Variants in GALNT16 observed in about 807,000 individuals in gnomAD.
The protein encoded by GALNT16 is UDP-GalNAc:polypeptide N-acetylgalactosaminyltransferase-like protein 1.
In GALNT16, 40 loss-of-function variants were observed where a neutral mutation model predicts 76.1. That is an observed-to-expected ratio of 0.53 (90% confidence interval 0.41 to 0.68). The LOEUF (loss-of-function observed/expected upper bound fraction) is 0.68. GALNT16 is among the 30% of genes least tolerant of loss of function. GALNT16 has a pLI of 0.00. For missense variants in GALNT16, 621 were observed against 731.9 expected (o/e 0.85, Z 1.75); for synonymous variants, 276 against 285.2 (o/e 0.97, Z 0.32).
chr14:69,331,501 T>C lies in GALNT16; in HGVS notation c.728T>C (p.Ile243Thr). The change falls in exon 7 of 15, where the codon ATC (isoleucine) becomes ACC (threonine). Residue 243 changes from isoleucine (I) to threonine (T), a missense_variant. Transcript: ENST00000448469. ...GTGGTGAGTCCCATCATTGATGTCATCAGTCTGGATAATTTTGCCTACCTT... is the reference window on the plus strand; with the variant it reads ...GTGGTGAGTCCCATCATTGATGTCACCAGTCTGGATAATTTTGCCTACCTT... ...TRVVSPIIDV[I>T]SLDNFAYLAA... 3 of 1,611,042 alleles carry C rather than the reference T, an allele frequency of 1.9e-6. No homozygotes were observed. The highest frequency in any genetic ancestry group is 2.5e-6 in the Non-Finnish European group (3 of 1,177,210).
intron 2 of GALNT16, among the ~76,000 whole-genome samples, chr14:69,322,925 GGTGTGTGTGTGTGTGTGTGTGT>G (rs766188989): frequency 3.2e-4 from 33 of 103,856 alleles, no homozygotes; most frequent in Middle Eastern, 4.5e-3. Flanking sequence ...TGGCTCACGG[GGTGTGTGTGTGTGTGTGTGTGT>G]GTGTGTGTGT....
chr14:69,282,463 C>T (rs2044556865), intron 1 of GALNT16, among the ~76,000 whole-genome samples: 1 of 152,144 alleles, frequency 6.6e-6, no homozygotes, highest in Non-Finnish European at 1.5e-5. Flanking sequence ...CTCTCTCCAG[C>T]CCTCTCCAGC....
the GALNT16 span, among the ~76,000 whole-genome samples, chr14:69,381,943 G>A: frequency 5.9e-5 from 9 of 152,290 alleles, no homozygotes; most frequent in Middle Eastern, 3.4e-3. Context: ...CAGCCGCCTC[G>A]GCCGCCCAAA....
chr14:69,269,433 T>A (rs1428824484), intron 1 of GALNT16, among the ~76,000 whole-genome samples: 1 of 151,126 alleles, frequency 6.6e-6, no homozygotes, highest in East Asian at 1.9e-4. Context: ...ATGTGTGGTA[T>A]GTCTGGTGTG....
rs566278796 is a variant in GALNT16 at position 69,279,311 on chromosome 14, A to G, written c.177+18844A>G. Among the ~76,000 whole-genome samples the G allele has an allele frequency of 7.0e-4, 107 of 152,328 alleles. 2 individuals carry two copies. The South Asian group carries it at 0.022, about 31-fold the overall frequency. ...ATTTTTAAAAATACTTCATTAAAAT[A>G]TTACTTACCTTGATTACTGAGTTTT... On this transcript the variant is annotated intron_variant, in intron 1 of 14. Coordinates refer to ENST00000448469, the MANE Select transcript of GALNT16 (RefSeq NM_001168368.2).
intron 1 of GALNT16, among the ~76,000 whole-genome samples, chr14:69,274,222 T>C (rs891318161): frequency 1.3e-5 from 2 of 152,150 alleles, no homozygotes; most frequent in African/African-American, 4.8e-5. Flanking sequence ...GCCTAACTCG[T>C]AGTAAATGCT....
At chr14:69,284,803 G>A (rs866320209) in intron 1 of GALNT16, among the ~76,000 whole-genome samples, 16 of 152,038 alleles carry the variant, frequency 1.1e-4, no homozygotes, top group African/African-American at 3.9e-4. Flanking sequence ...ATTAAATTAT[G>A]GTGGTGGTTT....
At chr14:69,362,426 G>C in the GALNT16 span, among the ~76,000 whole-genome samples, 1 of 152,238 alleles carries the variant, frequency 6.6e-6, no homozygotes, top group Non-Finnish European at 1.5e-5. Flanking sequence ...ATCTCTGCAT[G>C]CTCATTAAGC....
chr14:69,368,576 A>G, the GALNT16 span, among the ~76,000 whole-genome samples: 1 of 152,198 alleles, frequency 6.6e-6, no homozygotes, highest in South Asian at 2.1e-4. Context: ...ACTGGTAGTG[A>G]GATCTCATTA....
chr14:69,351,845 G>C (rs994735269), intron 14 of GALNT16, 186 bp from the exon 15 acceptor site: 3 of 545,682 alleles, frequency 5.5e-6, no homozygotes, highest in Non-Finnish European at 9.6e-6. Flanking sequence ...TCAGGAGTTC[G>C]AGGCTGCAGT....
the GALNT16 span, among the ~76,000 whole-genome samples, chr14:69,367,653 A>G: frequency 2.0e-5 from 3 of 151,738 alleles, no homozygotes; most frequent in South Asian, 6.2e-4. Context: ...GCAAAAAAAA[A>G]AAAAAAGAAA....
chr14:69,323,613 C>T (rs1323269109), intron 2 of GALNT16, among the ~76,000 whole-genome samples: 1 of 152,172 alleles, frequency 6.6e-6, no homozygotes, highest in Non-Finnish European at 1.5e-5. Context: ...ATTCATAGGC[C>T]CTTGAACAGC....
intron 2 of GALNT16, 25 bp from the exon 3 acceptor site, chr14:69,324,667 T>C: frequency 1.4e-6 from 2 of 1,436,182 alleles, no homozygotes; most frequent in Non-Finnish European, 1.9e-6. Context: ...CATGGCTGGC[T>C]CTGACCTCTG....
chr14:69,265,635 T>A (rs942063667), intron 1 of GALNT16, among the ~76,000 whole-genome samples: 2 of 152,214 alleles, frequency 1.3e-5, no homozygotes, highest in African/African-American at 4.8e-5. Flanking sequence ...GAGGAGACCT[T>A]AAGCACCTTC....
At chr14:69,380,397 C>G in the GALNT16 span, 1 of 475,262 alleles carries the variant, frequency 2.1e-6, no homozygotes. Flanking sequence ...AAGATCCTCA[C>G]ATTTCATCTA....
In GALNT16 at chr14:69,346,899, C is replaced by G. The variant is rs769601515; in HGVS notation, c.1272-141C>G. ...AGGCCACTCCTGCTCCTCACCTCCC[C>G]CTGCTGGCCAGGCTGCTCCCGGGCC... On this transcript the variant is annotated intron_variant, in intron 12 of 14. Transcript: ENST00000448469. The G allele has an allele frequency of 5.3e-5, 49 of 925,448 alleles. No individual in the cohort carries two copies. In the East Asian group the frequency reaches 7.5e-4, roughly 14 times the overall value. The allele number at this position is 925,448 out of a possible 1,614,324, so 57.3% of individuals were successfully genotyped here.
At chr14:69,380,328 TAA>T in the GALNT16 span, 4,483 of 345,258 alleles carry the variant, frequency 0.013, no homozygotes, top group East Asian at 0.016. Context: ...AATGTTTAAG[TAA>T]AAAAAAAAAA....
chr14:69,383,486 A>G, the GALNT16 span, among the ~76,000 whole-genome samples: 1 of 152,250 alleles, frequency 6.6e-6, no homozygotes, highest in East Asian at 1.9e-4. Flanking sequence ...CCTCTTTGGA[A>G]ACAATACCTT....
intron 1 of GALNT16, among the ~76,000 whole-genome samples, chr14:69,286,751 A>G (rs2044618280): frequency 6.6e-6 from 1 of 152,184 alleles, no homozygotes; most frequent in Admixed American, 6.5e-5. Flanking sequence ...AGATGAAAGG[A>G]TGGTTAGAGG....
Sources: allele counts gnomAD v4.1 joint callset (sites outside exome capture counted in the v4.1 genomes callset), GRCh38; gene constraint gnomAD v4.1.1; transcripts MANE v1.5; gene names NCBI Gene and HGNC (gene_info 2026-07-23, HGNC 2026-07-21).